The following RFK variants were observed in gnomAD, a reference collection of about 807,000 sequenced individuals.
RFK encodes the protein 0610038L10Rik.
Under a neutral mutation model 17.6 loss-of-function variants are expected in RFK, and 4 were observed. The ratio of observed to expected loss-of-function variants is 0.23; its 90% confidence interval spans 0.11 to 0.52. RFK has a LOEUF of 0.52. Among genes scored for constraint, RFK ranks in the 20% least tolerant of loss-of-function variants. The pLI, the probability that RFK is intolerant of heterozygous loss-of-function variation, is 0.96. For missense variants in RFK, 189 were observed against 187.7 expected (o/e 1.01, Z -0.04); for synonymous variants, 59 against 63.8 (o/e 0.92, Z 0.36).
chr9:76,393,846 C>T (rs1425489262), intron 1 of RFK: 30 of 508,126 alleles, frequency 5.9e-5, no homozygotes, highest in Non-Finnish European at 9.4e-5. Context: ...CGATTCATCT[C>T]GGGCTTCCGG....
rs1272212207 is a variant in RFK at position 76,388,567 on chromosome 9, G to T, written c.324C>A (p.Asn108Lys). 4 of 1,604,308 alleles carry T rather than the reference G, an allele frequency of 2.5e-6. No individual in the cohort carries two copies. The East Asian group carries it at 8.9e-5, about 36-fold the overall frequency. Residue 108 changes from asparagine (N) to lysine (K), a missense_variant, in exon 3 of 4, where the codon AAC (asparagine) becomes AAA (lysine). By Grantham distance (94) the Asn-to-Lys change is moderately conservative. This residue lies in a region of RFK where 95 missense variants were observed against 95.7 expected (regional missense o/e 0.99). Transcript: ENST00000376736. ...AIVGYLRPEKNFDSLESLISA... is the reference protein window; with the variant it reads ...AIVGYLRPEKKFDSLESLISA... ...ATAAGAACTTACCTAAAGAATCAAA[G>T]TTCTTTTCTGGTCTCAGGTAGCCAA...
Position 76,392,415 on chromosome 9 carries a change from T to C in RFK, c.234+3A>G, listed in dbSNP as rs1822829647. The C allele has an allele frequency of 6.2e-7, 1 of 1,614,004 alleles. No individual in the cohort carries two copies. The highest frequency in any genetic ancestry group is 1.1e-5 in the South Asian group (1 of 91,060). ...CGGTTACAGAGCAAAATATAATGCT[T>C]ACCATAGACTTCTTCGTATTCTTGT... is the stretch of plus-strand genomic sequence containing the variant. On this transcript the variant is annotated splice_donor_region_variant and intron_variant, in intron 2 of 3. Transcript: ENST00000376736.
chr9:76,393,315 T>C (rs1422143055), intron 1 of RFK, among the ~76,000 whole-genome samples: 1 of 151,914 alleles, frequency 6.6e-6, no homozygotes, highest in Non-Finnish European at 1.5e-5. Flanking sequence ...CAAGCGATTC[T>C]CCTGCCTCAG....
intron 2 of RFK, 130 bp from the exon 3 acceptor site, chr9:76,388,786 G>A: frequency 3.5e-6 from 2 of 564,040 alleles, no homozygotes; most frequent in Non-Finnish European, 6.1e-6. Flanking sequence ...TAAAGATTCA[G>A]GTTAAAATCT....
At chr9:76,389,264 G>A (rs1481851498) in intron 2 of RFK, among the ~76,000 whole-genome samples, 1 of 152,162 alleles carries the variant, frequency 6.6e-6, no homozygotes, top group Non-Finnish European at 1.5e-5. Flanking sequence ...GAGGTTAAGA[G>A]CACTGACTTA....
chr9:76,394,163 G>A lies in RFK; in HGVS notation c.9C>T (p.His3=). The change falls in exon 1 of 4, where the codon CAC becomes CAT. Residue 3 remains histidine, a synonymous_variant. Transcript: ENST00000376736. ...CTTGACCCCGGCAGAAGTAAGGCAG[G>A]TGCCTCATAATGCAGTCCGCTCGGG... MR[H]LPYFCRGQVV... is the part of the protein sequence containing the mutation. 6.2e-7 allele frequency: 1 copy of A among 1,605,554 alleles called. No individual in the cohort carries two copies. Among genetic ancestry groups the A allele is most frequent in the Non-Finnish European group, 8.5e-7 (1 of 1,177,128 alleles).
chr9:76,387,234 A>T lies in RFK; in HGVS notation c.*165T>A. 1.7e-6 allele frequency: 1 copy of T among 599,366 alleles called. No individual in the cohort carries two copies. 37.1% of individuals were successfully genotyped at this position (599,366 alleles called of 1,614,324 possible). A position where few individuals can be genotyped will look rare whatever the true frequency, so the allele number is the denominator to read the frequency against. On this transcript the variant is annotated 3_prime_UTR_variant, in exon 4 of 4. Transcript: ENST00000376736. Reference sequence around the variant, plus strand: ...TTTAGTGCTATGATATGATGGGCTTAATTTAATAGTTGAAGCATGATATGA... The same window carrying T: ...TTTAGTGCTATGATATGATGGGCTTTATTTAATAGTTGAAGCATGATATGA...
At position 76,386,210 on chromosome 9, in the gene RFK, T is replaced by A. The variant is rs898195583; in HGVS notation, c.*1189A>T. The A allele has an allele frequency of 1.3e-5, 2 of 152,118 alleles. No homozygotes were observed. Among genetic ancestry groups the A allele is most frequent in the African/African-American group, 4.8e-5 (2 of 41,426 alleles). The allele number at this position is 152,118 out of a possible 1,614,324, so 9.4% of individuals were successfully genotyped here. On this transcript the variant is annotated 3_prime_UTR_variant, in exon 4 of 4. Transcript: ENST00000376736. ...ACATATTAGTTAGTAGGAGGAAAAA[T>A]CCACAGTATGAAGGCTATTTAACTA...
chr9:76,387,299 TAA>T lies in RFK; in HGVS notation c.*98_*99del. The T allele has an allele frequency of 9.2e-7, 1 of 1,091,616 alleles. No homozygotes were observed. The highest frequency in any genetic ancestry group is 1.3e-6 in the Non-Finnish European group (1 of 751,860). The allele number at this position is 1,091,616 out of a possible 1,614,324, so 67.6% of individuals were successfully genotyped here. On this transcript the variant is annotated 3_prime_UTR_variant, in exon 4 of 4. Coordinates refer to ENST00000376736, the MANE Select transcript of RFK (RefSeq NM_018339.6). The stretch of plus-strand genomic sequence containing the variant: ...GGTTTAAACTAATTCACAACTGTAG[TAA>T]AGTGTTTGATTTTCAGTATATAACC...
rs976247106 is a variant in RFK at position 76,394,371 on chromosome 9, G to T, written c.-200C>A. On this transcript the variant is annotated 5_prime_UTR_variant, in exon 1 of 4. Transcript: ENST00000376736. ...CGCCGCCGACCCAACAAATACCGCC[G>T]GGCGCCTGAGGAGCTGCGTCTCCGC... 2.0e-6 allele frequency: 1 copy of T among 502,696 alleles called. No homozygotes were observed. Among genetic ancestry groups the T allele is most frequent in the Non-Finnish European group, 3.5e-6 (1 of 288,066 alleles). 31.1% of individuals were successfully genotyped at this position (502,696 alleles called of 1,614,324 possible).
chr9:76,388,593 C>G lies in RFK; in HGVS notation c.298G>C (p.Val100Leu). 6.2e-7 allele frequency: 1 copy of G among 1,612,538 alleles called. No individual in the cohort carries two copies. Among genetic ancestry groups the G allele is most frequent in the Non-Finnish European group, 8.5e-7 (1 of 1,178,660 alleles). ...FYGEILNVAIVGYLRPEKNFD... is the reference protein window; with the variant it reads ...FYGEILNVAILGYLRPEKNFD... ...TTCTTTTCTGGTCTCAGGTAGCCAA[C>G]AATGGCCACATTGAGGATTTCCCCA... The change falls in exon 3 of 4, where the codon GTT becomes CTT. Residue 100 changes from valine (V) to leucine (L), a missense_variant. Coordinates refer to ENST00000376736, the MANE Select transcript of RFK (RefSeq NM_018339.6).
chr9:76,392,297 A>T, intron 2 of RFK, 121 bp downstream of exon 2: 1 of 999,186 alleles, frequency 1.0e-6, no homozygotes, highest in South Asian at 1.9e-5. Flanking sequence ...ATTGCCCAAA[A>T]TTCCAGTATT....
At chr9:76,394,031 C>T (rs41288757) in intron 1 of RFK, 59 bp downstream of exon 1, 43,066 of 1,502,286 alleles carry the variant, frequency 0.029, 755 homozygotes, top group Non-Finnish European at 0.033. Flanking sequence ...CCCCGGCTGC[C>T]GTCTCTCCCC....
At chr9:76,389,341 T>C (rs1472506143) in intron 2 of RFK, among the ~76,000 whole-genome samples, 1 of 152,212 alleles carries the variant, frequency 6.6e-6, no homozygotes. Flanking sequence ...CTCAGTTTTC[T>C]CGTCTGTAAT....
chr9:76,393,738 C>A, intron 1 of RFK: 2 of 330,648 alleles, frequency 6.0e-6, no homozygotes, highest in Middle Eastern at 8.3e-4. Flanking sequence ...GCGAGTTCAG[C>A]CGTTCTGGCC....
At chr9:76,394,011 G>T in intron 1 of RFK, 79 bp downstream of exon 1, 1 of 1,394,032 alleles carries the variant, frequency 7.2e-7, no homozygotes, top group Non-Finnish European at 9.7e-7. Context: ...CCCACGCCCC[G>T]GTCCCAAGTC....
At chr9:76,391,649 A>C (rs2131554767) in intron 2 of RFK, among the ~76,000 whole-genome samples, 1 of 152,360 alleles carries the variant, frequency 6.6e-6, no homozygotes, top group African/African-American at 2.4e-5. Flanking sequence ...GCAATTATCA[A>C]AGTCAGTATT....
chr9:76,392,545 T>C lies in RFK; in HGVS notation c.107A>G (p.Asp36Gly). Residue 36 changes from aspartate (D) to glycine (G), a missense_variant, in exon 2 of 4, where the codon GAT becomes GGT. Transcript: ENST00000376736. ...PTANFPEQVV[D>G]NLPADISTGI... is the part of the protein sequence containing the mutation. ...AGTGGATATATCAGCTGGAAGATTA[T>C]CTACCACTTGCTCAGGAAAATTAGC... 1 of 1,614,218 alleles carries C rather than the reference T, an allele frequency of 6.2e-7. No homozygotes were observed. The highest frequency in any genetic ancestry group is 1.1e-5 in the South Asian group (1 of 91,088).
rs1822718571 is a variant in RFK, at chr9:76,385,602, A to G, written c.*1797T>C. 6.6e-6 allele frequency: 1 copy of G among 152,234 alleles called. No individual in the cohort carries two copies. The highest frequency in any genetic ancestry group is 2.1e-4 in the South Asian group (1 of 4,834). The allele number at this position is 152,234 out of a possible 1,614,324, so 9.4% of individuals were successfully genotyped here. A position where few individuals can be genotyped will look rare whatever the true frequency, so the allele number is the denominator to read the frequency against. On this transcript the variant is annotated 3_prime_UTR_variant, in exon 4 of 4. Transcript: ENST00000376736. ...AAATGGTACTACTGTAACTTCTTATAATACATAATATAAAAGTTTTTGAAA... is the reference window on the plus strand; with the variant it reads ...AAATGGTACTACTGTAACTTCTTATGATACATAATATAAAAGTTTTTGAAA...
Sources: gnomAD v4.1 joint callset for allele counts (sites outside exome capture counted in the v4.1 genomes callset) on GRCh38, gnomAD v4.1.1 for gene constraint, gnomAD v4.1.1 regional missense constraint, MANE v1.5 for transcripts, NCBI Gene and HGNC (gene_info 2026-07-23, HGNC 2026-07-21) for gene names.